Variants in ADGRL3 observed in about 807,000 individuals in gnomAD.
ADGRL3 encodes the protein calcium-independent alpha-latrotoxin receptor 3.
A neutral mutation model predicts 153.5 loss-of-function variants in ADGRL3; 62 were observed. The observed-to-expected ratio is 0.40, with a 90% CI of 0.33 to 0.50. The LOEUF is 0.50. Ranked by LOEUF, ADGRL3 falls within the 20% of genes least tolerant of loss-of-function variation. The pLI is 0.47. For synonymous variants in ADGRL3, 710 were observed against 672.5 expected (o/e 1.06, Z -0.86); for missense variants, 1,641 against 1,859.4 (o/e 0.88, Z 2.16).
intron 21 of ADGRL3, among the ~76,000 whole-genome samples, chr4:62,024,048 A>G (rs1303673240): frequency 1.3e-5 from 2 of 152,168 alleles, no homozygotes; most frequent in African/African-American, 4.8e-5. Context: ...TCACATATAA[A>G]TTAATTCTTT....
At chr4:61,251,873 T>TA (rs1560385079) in intron 1 of ADGRL3, among the ~76,000 whole-genome samples, 3 of 146,746 alleles carry the variant, frequency 2.0e-5, no homozygotes, top group African/African-American at 5.0e-5. Flanking sequence ...GATTCTTTTT[T>TA]TTTTTAATTT....
rs1189973820 is a variant in ADGRL3, at chr4:61,458,071, C to A, written c.-173-39050C>A. 2.0e-5 allele frequency among the ~76,000 whole-genome samples: 3 copies of A among 151,880 alleles called. No homozygotes were observed. In the East Asian group the frequency reaches 5.8e-4, roughly 29 times the overall value. On this transcript the variant is annotated intron_variant, in intron 2 of 26. Coordinates refer to ENST00000683033, the MANE Select transcript of ADGRL3 (RefSeq NM_001387552.1). Reference sequence around the variant, plus strand: ...ACACTTTTTGGAGTTAGTATGTTTGCAGATAGCAACTACCTAAAAATAGAT... The same window carrying A: ...ACACTTTTTGGAGTTAGTATGTTTGAAGATAGCAACTACCTAAAAATAGAT...
At chr4:61,595,088 C>T (rs2098983580) in intron 5 of ADGRL3, among the ~76,000 whole-genome samples, 2 of 152,148 alleles carry the variant, frequency 1.3e-5, no homozygotes, top group African/African-American at 4.8e-5. Context: ...TGGCCTAGAG[C>T]AGGTCCAGAA....
chr4:61,757,418 A>T (rs1172290195), intron 8 of ADGRL3, among the ~76,000 whole-genome samples: 1 of 152,044 alleles, frequency 6.6e-6, no homozygotes, highest in Admixed American at 6.6e-5. Context: ...AGAGGTGTTT[A>T]TAGTATTCTC....
intron 2 of ADGRL3, chr4:61,385,395 A>C (rs1444592062): frequency 6.6e-6 from 1 of 152,332 alleles, no homozygotes; most frequent in Admixed American, 6.6e-5. Context: ...GTCTCACCAC[A>C]TATGTAATCC....
intron 18 of ADGRL3, 145 bp downstream of exon 18, chr4:61,979,917 T>G (rs2099061674): frequency 1.4e-6 from 1 of 700,880 alleles, no homozygotes; most frequent in South Asian, 2.0e-5. Context: ...TACTCAGTTT[T>G]CCATTTTTCA....
At chr4:61,301,912 A>G (rs758074315) in intron 1 of ADGRL3, among the ~76,000 whole-genome samples, 14 of 152,228 alleles carry the variant, frequency 9.2e-5, no homozygotes, top group Non-Finnish European at 1.6e-4. Context: ...ATCAAAGCCC[A>G]GAATTTAATC....
Position 61,756,898 on chromosome 4 carries a change from T to C in ADGRL3, c.1399+23344T>C, listed in dbSNP as rs187420971. The stretch of plus-strand genomic sequence containing the variant: ...ATAATCATATGGTTTTTGTCATTGG[T>C]TCTGTTTATATGCTGGATTACGTTT... On this transcript the variant is annotated intron_variant, in intron 8 of 26. Transcript: ENST00000683033. Among the ~76,000 whole-genome samples the C allele has an allele frequency of 5.3e-3, 804 of 152,334 alleles. 9 individuals carry two copies. The highest frequency in any genetic ancestry group is 0.018 in the African/African-American group (739 of 41,570).
intron 8 of ADGRL3, among the ~76,000 whole-genome samples, chr4:61,810,554 T>C (rs1398378915): frequency 6.6e-6 from 1 of 152,172 alleles, no homozygotes; most frequent in Admixed American, 6.5e-5. Flanking sequence ...CTTTTTCTAT[T>C]TGAACTTTAG....
At chr4:61,357,725 T>C (rs1203312395) in intron 1 of ADGRL3, among the ~76,000 whole-genome samples, 1 of 152,128 alleles carries the variant, frequency 6.6e-6, no homozygotes, top group Non-Finnish European at 1.5e-5. Context: ...TTGACACATA[T>C]GAAAGTTATC....
chr4:61,214,609 T>A (rs1027992638), intron 1 of ADGRL3, among the ~76,000 whole-genome samples: 7 of 152,154 alleles, frequency 4.6e-5, no homozygotes, highest in African/African-American at 1.7e-4. Context: ...TTGCTAGGTG[T>A]AACCTCAGTT....
chr4:61,649,597 C>T (rs544524731), intron 5 of ADGRL3, among the ~76,000 whole-genome samples: 13 of 152,120 alleles, frequency 8.5e-5, no homozygotes, highest in Admixed American at 2.6e-4. Flanking sequence ...TTTTATAACA[C>T]GTAGCAAAAC....
At chr4:61,793,213 A>G (rs1367003379) in intron 8 of ADGRL3, among the ~76,000 whole-genome samples, 1 of 152,102 alleles carries the variant, frequency 6.6e-6, no homozygotes, top group East Asian at 1.9e-4. Flanking sequence ...TCATGAGGTC[A>G]GGAGGTCAAG....
At chr4:62,034,281 C>A (rs1371486118) in intron 23 of ADGRL3, among the ~76,000 whole-genome samples, 1 of 151,656 alleles carries the variant, frequency 6.6e-6, no homozygotes, top group African/African-American at 2.4e-5. Flanking sequence ...TAAGTATATA[C>A]ACCCTATCCT....
intron 8 of ADGRL3, among the ~76,000 whole-genome samples, chr4:61,761,665 C>A (rs1304689290): frequency 6.6e-6 from 1 of 152,188 alleles, no homozygotes; most frequent in Non-Finnish European, 1.5e-5. Flanking sequence ...CATGGTGGCA[C>A]ACACTTGTAG....
chr4:61,976,987 A>G (rs1581713177), intron 17 of ADGRL3, among the ~76,000 whole-genome samples: 2 of 152,252 alleles, frequency 1.3e-5, no homozygotes, highest in East Asian at 3.9e-4. Context: ...TTTTCCTGCT[A>G]AACAGTCATA....
rs1033082971 is a variant in ADGRL3 at position 61,576,727 on chromosome 4, T to C, written c.260-10500T>C. 2.6e-5 allele frequency among the ~76,000 whole-genome samples: 4 copies of C among 151,534 alleles called. 1 individual carries two copies. Among genetic ancestry groups the C allele is most frequent in the African/African-American group, 4.8e-5 (2 of 41,240 alleles). ...TTTGCAGACTTATTCCTAACAAATA[T>C]AGTCTAGTGGAATACATATCAACTT... On this transcript the variant is annotated intron_variant, in intron 4 of 26. Transcript: ENST00000683033.
chr4:61,933,824 G>A (rs933178616), intron 13 of ADGRL3: 1 of 152,188 alleles, frequency 6.6e-6, no homozygotes, highest in African/African-American at 2.4e-5. Flanking sequence ...TGTCAATAAT[G>A]TGAGTCCTGT....
At chr4:61,253,119 C>G (rs1303690188) in intron 1 of ADGRL3, among the ~76,000 whole-genome samples, 2 of 152,202 alleles carry the variant, frequency 1.3e-5, no homozygotes, top group African/African-American at 4.8e-5. Flanking sequence ...CAGCCATCTA[C>G]AGGTGATTGC....
Sources: allele counts gnomAD v4.1 joint callset (sites outside exome capture counted in the v4.1 genomes callset), GRCh38; gene constraint gnomAD v4.1.1; transcripts MANE v1.5; gene names NCBI Gene and HGNC (gene_info 2026-07-23, HGNC 2026-07-21).